Variants in SGCD observed in about 807,000 individuals in gnomAD.
SGCD encodes the protein sarcoglycan delta, also known as delta-sarcoglycan.
In SGCD, 18 loss-of-function variants were observed where a neutral mutation model predicts 36.6. The ratio of observed to expected loss-of-function variants is 0.49; its 90% CI spans 0.34 to 0.73. The LOEUF (loss-of-function observed/expected upper bound fraction) is 0.73. Ranked by LOEUF, SGCD falls within the 30% of genes least tolerant of loss-of-function variation. SGCD has a pLI of 0.01. For synonymous variants in SGCD, 133 were observed against 130.6 expected (o/e 1.02, Z -0.12); for missense variants, 387 against 346.7 (o/e 1.12, Z -0.92).
intron 3 of SGCD, among the ~76,000 whole-genome samples, chr5:156,351,638 C>CATT (rs1157393199): frequency 6.7e-6 from 1 of 149,916 alleles, no homozygotes; most frequent in African/African-American, 2.5e-5. Context: ...TCATCATCAT[C>CATT]ATCATCATTT....
intron 3 of SGCD, among the ~76,000 whole-genome samples, chr5:156,311,950 G>T (rs1504941): frequency 0.72 from 109,452 of 151,738 alleles, 39,749 homozygotes; most frequent in East Asian, 0.92. Flanking sequence ...GAGAGCCAGT[G>T]TATTGACCTA....
chr5:156,196,871 G>A (rs891574661), intron 3 of SGCD, among the ~76,000 whole-genome samples: 1 of 151,980 alleles, frequency 6.6e-6, no homozygotes, highest in African/African-American at 2.4e-5. Context: ...TGTACTTAAC[G>A]CATCCATACA....
chr5:155,773,684 A>T, the SGCD span, among the ~76,000 whole-genome samples: 1 of 152,198 alleles, frequency 6.6e-6, no homozygotes, highest in Non-Finnish European at 1.5e-5. Flanking sequence ...ATGGGAGGAC[A>T]GAAGGCAGGG....
At chr5:155,918,181 C>G (rs1756794835) in intron 1 of SGCD, among the ~76,000 whole-genome samples, 1 of 152,158 alleles carries the variant, frequency 6.6e-6, no homozygotes, top group Non-Finnish European at 1.5e-5. Flanking sequence ...GAATGTCTCT[C>G]TCATTTATAC....
Position 156,298,295 on chromosome 5 carries a change from G to A in SGCD, c.-43-31239G>A, listed in dbSNP as rs147787441. 2.5e-3 allele frequency among the ~76,000 whole-genome samples: 384 copies of A among 152,204 alleles called. 4 individuals are homozygous for A. Among genetic ancestry groups the A allele is most frequent in the Non-Finnish European group, 1.7e-3 (116 of 68,012 alleles). ...ATAAATACCCAGTAGTCAGATTGCT[G>A]GATCGTGTGGTAATTAGATCTTTAA... On this transcript the variant is annotated intron_variant, in intron 3 of 9. Transcript: ENST00000517913.
chr5:156,336,683 AAT>A (rs1491574268), intron 2 of SGCD, among the ~76,000 whole-genome samples: 2 of 152,260 alleles, frequency 1.3e-5, no homozygotes, highest in African/African-American at 4.8e-5. Context: ...ATAAAGCCTG[AAT>A]ATGTATTAAA....
At chr5:155,767,753 T>G in the SGCD span, among the ~76,000 whole-genome samples, 232 of 152,328 alleles carry the variant, frequency 1.5e-3, 1 homozygote, top group Middle Eastern at 3.4e-3. Flanking sequence ...TACTAACTTC[T>G]GCTAGCTTGC....
chr5:156,761,271 C>G lies in SGCD; in HGVS notation c.*1881C>G, dbSNP rs1174787936. 1 of 152,216 alleles carries G rather than the reference C, an allele frequency of 6.6e-6. No individual in the cohort carries two copies. Among genetic ancestry groups the G allele is most frequent in the East Asian group, 1.9e-4 (1 of 5,194 alleles). 9.4% of individuals were successfully genotyped at this position (152,216 alleles called of 1,614,324 possible). A position where few individuals can be genotyped will look rare whatever the true frequency, so the allele number is the denominator to read the frequency against. ...ATGGTGGGGGACAGCGGCGTGGGTC[C>G]TAGCCTGGCCAGTGATGCTGCTGGC... On this transcript the variant is annotated 3_prime_UTR_variant, in exon 9 of 9. Transcript: ENST00000337851.
In SGCD at chr5:156,566,803, A is replaced by G. The variant is rs568462852; in HGVS notation, c.295-22428A>G. ...GTGTTACAGAGATATTAATGTCATC[A>G]TAGACCTAAAATGAGACATTATCTT... On this transcript the variant is annotated intron_variant, in intron 4 of 8. Coordinates refer to ENST00000337851, the MANE Select transcript of SGCD (RefSeq NM_000337.6). Among the ~76,000 whole-genome samples the G allele has an allele frequency of 3.9e-3, 591 of 152,334 alleles. 7 individuals are homozygous for G. The highest frequency in any genetic ancestry group is 0.013 in the African/African-American group (561 of 41,584).
intron 3 of SGCD, among the ~76,000 whole-genome samples, chr5:156,263,235 A>G (rs1765912611): frequency 6.6e-6 from 1 of 152,090 alleles, no homozygotes; most frequent in African/African-American, 2.4e-5. Flanking sequence ...GCAGTGTAAA[A>G]GTGTTCCCTT....
At chr5:155,906,665 T>C (rs892538408) in intron 1 of SGCD, among the ~76,000 whole-genome samples, 10 of 152,144 alleles carry the variant, frequency 6.6e-5, no homozygotes, top group African/African-American at 2.4e-4. Flanking sequence ...CTCTCTTTAA[T>C]TCTTTGAAGA....
intron 1 of SGCD, among the ~76,000 whole-genome samples, chr5:155,919,749 CT>C (rs780942163): frequency 7.2e-5 from 11 of 152,116 alleles, no homozygotes; most frequent in Non-Finnish European, 1.3e-4. Flanking sequence ...TCTTCCCTTT[CT>C]TTCACCCTTT....
At chr5:155,739,819 G>T in the SGCD span, among the ~76,000 whole-genome samples, 3 of 135,918 alleles carry the variant, frequency 2.2e-5, no homozygotes, top group Non-Finnish European at 5.2e-5. Flanking sequence ...AAAACTTGCT[G>T]GGAATTTCCA....
At chr5:156,368,860 T>C (rs1770243815) in intron 3 of SGCD, among the ~76,000 whole-genome samples, 1 of 152,228 alleles carries the variant, frequency 6.6e-6, no homozygotes, top group Non-Finnish European at 1.5e-5. Context: ...TTCTACATTA[T>C]GCTGAATTGT....
At chr5:156,523,458 C>T (rs1054652388) in intron 4 of SGCD, among the ~76,000 whole-genome samples, 1 of 152,066 alleles carries the variant, frequency 6.6e-6, no homozygotes, top group Non-Finnish European at 1.5e-5. Flanking sequence ...ATGTATTTCT[C>T]GTAAGAGTTA....
chr5:156,674,758 A>G (rs959036582), intron 7 of SGCD, among the ~76,000 whole-genome samples: 4 of 152,230 alleles, frequency 2.6e-5, no homozygotes, highest in African/African-American at 9.6e-5. Flanking sequence ...TTCCTTGAGT[A>G]GTTGAAGGAC....
chr5:156,444,251 T>G lies in SGCD; in HGVS notation c.193-64350T>G, dbSNP rs189746960. Among the ~76,000 whole-genome samples the G allele has an allele frequency of 2.5e-3, 385 of 151,606 alleles. 1 individual carries two copies. Among genetic ancestry groups the G allele is most frequent in the African/African-American group, 8.9e-3 (368 of 41,348 alleles). ...CTCTCTCTCTGTGTTTCTGTTTGCT[T>G]TTTCCTCTAGCTGTCAACTCATCAT... On this transcript the variant is annotated intron_variant, in intron 3 of 8. Coordinates refer to ENST00000337851, the MANE Select transcript of SGCD (RefSeq NM_000337.6).
In SGCD at chr5:155,946,422, T is replaced by C. The variant is rs1472976796; in HGVS notation, c.-282+75998T>C. On this transcript the variant is annotated intron_variant, in intron 1 of 9. Transcript: ENST00000517913. Reference sequence around the variant, plus strand: ...TGATTTCCCAAGTCTTTTCTGTTTGTACTATATTTTTCTTGATGAGAGTTT... The same window carrying C: ...TGATTTCCCAAGTCTTTTCTGTTTGCACTATATTTTTCTTGATGAGAGTTT... 2.0e-5 allele frequency among the ~76,000 whole-genome samples: 3 copies of C among 152,296 alleles called. No homozygotes were observed. The East Asian group carries it at 5.8e-4, about 29-fold the overall frequency.
At chr5:156,596,469 T>G (rs187400624) in intron 6 of SGCD, among the ~76,000 whole-genome samples, 1 of 152,334 alleles carries the variant, frequency 6.6e-6, no homozygotes, top group Admixed American at 6.5e-5. Context: ...CTGAGTTGGC[T>G]AAAATACTAA....
Sources: gnomAD v4.1 joint callset for allele counts (sites outside exome capture counted in the v4.1 genomes callset) on GRCh38, gnomAD v4.1.1 for gene constraint, MANE v1.5 for transcripts, NCBI Gene and HGNC (gene_info 2026-07-23, HGNC 2026-07-21) for gene names.